SEMA3D: variants seen among roughly 807,000 people sequenced by gnomAD.
SEMA3D encodes semaphorin-3D.
In SEMA3D, 84 loss-of-function variants were observed where a neutral mutation model predicts 100.1. That is an observed-to-expected ratio of 0.84 (90% CI 0.70 to 1.01). The LOEUF (loss-of-function observed/expected upper bound fraction) is 1.01, where lower values mean the gene tolerates loss of function less well. Ranked by LOEUF, SEMA3D falls within the 50% of genes least tolerant of loss-of-function variation. The pLI, the probability that SEMA3D is intolerant of heterozygous loss-of-function variation, is 0.00. For missense variants in SEMA3D, 875 were observed against 934.1 expected (o/e 0.94, Z 0.82); for synonymous variants, 312 against 320.7 (o/e 0.97, Z 0.29).
chr7:85,077,863 A>T (rs1211424608), intron 5 of SEMA3D, among the ~76,000 whole-genome samples: 1 of 152,196 alleles, frequency 6.6e-6, no homozygotes, highest in Non-Finnish European at 1.5e-5. Flanking sequence ...ATAATCAAAG[A>T]TATTCACAAT....
chr7:85,130,544 A>G (rs769735085), intron 2 of SEMA3D, among the ~76,000 whole-genome samples: 2 of 152,152 alleles, frequency 1.3e-5, no homozygotes, highest in Admixed American at 6.6e-5. Context: ...TGTCTGGAAA[A>G]TCGTTATCCC....
chr7:85,023,103 T>C (rs538560994), intron 12 of SEMA3D, among the ~76,000 whole-genome samples: 1 of 152,020 alleles, frequency 6.6e-6, no homozygotes, highest in African/African-American at 2.4e-5. Context: ...AAATTGTAAT[T>C]ATGTAGTTTC....
At position 85,013,926 on chromosome 7, in the gene SEMA3D, C is replaced by G. The variant is rs10277919; in HGVS notation, c.1704-1080G>C. Reference sequence around the variant, plus strand: ...AATGAGCATTCTTGTTTTTCAGCTTCTAGGAAAGCATTCCCCAAAGACTAT... The same window carrying G: ...AATGAGCATTCTTGTTTTTCAGCTTGTAGGAAAGCATTCCCCAAAGACTAT... On this transcript the variant is annotated intron_variant, in intron 16 of 18. Transcript: ENST00000284136. Among the ~76,000 whole-genome samples, 1,093 of 151,856 alleles carry G rather than the reference C, an allele frequency of 7.2e-3. 15 individuals carry two copies. Among genetic ancestry groups the G allele is most frequent in the African/African-American group, 0.025 (1,029 of 41,496 alleles).
chr7:85,108,033 A>G (rs191317826), intron 3 of SEMA3D, among the ~76,000 whole-genome samples: 33 of 152,152 alleles, frequency 2.2e-4, no homozygotes, highest in Non-Finnish European at 3.8e-4. Context: ...GCTTCATTGA[A>G]TAAATTTTAA....
chr7:85,221,517 A>T, the SEMA3D span, among the ~76,000 whole-genome samples: 1 of 152,080 alleles, frequency 6.6e-6, no homozygotes, highest in East Asian at 1.9e-4. Context: ...ATGATTGTCA[A>T]GATGTTCTCA....
At chr7:85,201,333 C>T in the SEMA3D span, among the ~76,000 whole-genome samples, 1 of 152,114 alleles carries the variant, frequency 6.6e-6, no homozygotes, top group East Asian at 1.9e-4. Flanking sequence ...TACAATTCCC[C>T]AGTAGTCCAT....
intron 2 of SEMA3D, chr7:85,140,191 GT>G (rs1790005017): frequency 1.3e-5 from 7 of 532,590 alleles, no homozygotes; most frequent in East Asian, 1.5e-4. Context: ...TTTATTTAAT[GT>G]TTTTTAACAT....
intron 1 of SEMA3D, among the ~76,000 whole-genome samples, chr7:85,155,345 G>A (rs930246300): frequency 6.6e-6 from 1 of 152,084 alleles, no homozygotes; most frequent in Admixed American, 6.6e-5. Context: ...ATGTCTTACT[G>A]TGCACTACAT....
chr7:85,059,416 T>G (rs1166321452), intron 8 of SEMA3D, among the ~76,000 whole-genome samples: 2 of 152,192 alleles, frequency 1.3e-5, no homozygotes, highest in Non-Finnish European at 2.9e-5. Context: ...TTTCCTTATC[T>G]TCACAAATAT....
At chr7:85,158,549 G>A (rs1011453001) in intron 1 of SEMA3D, among the ~76,000 whole-genome samples, 2 of 152,130 alleles carry the variant, frequency 1.3e-5, no homozygotes, top group Non-Finnish European at 2.9e-5. Flanking sequence ...AACTTCATTA[G>A]CAATTTTAAT....
intron 1 of SEMA3D, among the ~76,000 whole-genome samples, chr7:85,180,896 G>A (rs963828621): frequency 3.9e-5 from 6 of 152,136 alleles, no homozygotes; most frequent in Non-Finnish European, 5.9e-5. Flanking sequence ...TCATTTGCGC[G>A]GAGAAGTGAT....
intron 12 of SEMA3D, among the ~76,000 whole-genome samples, chr7:85,023,534 GC>G (rs1303474383): frequency 6.6e-6 from 1 of 151,778 alleles, no homozygotes; most frequent in African/African-American, 2.4e-5. Flanking sequence ...GTCAATTGAT[GC>G]AGTCATAGAG....
intron 5 of SEMA3D, among the ~76,000 whole-genome samples, chr7:85,075,275 T>C (rs1485151371): frequency 6.6e-6 from 1 of 152,114 alleles, no homozygotes; most frequent in Admixed American, 6.6e-5. Context: ...AAATAAATAT[T>C]TGGATAAAGA....
chr7:85,112,710 G>A (rs1183599415), intron 3 of SEMA3D, among the ~76,000 whole-genome samples: 2 of 152,102 alleles, frequency 1.3e-5, no homozygotes, highest in Non-Finnish European at 2.9e-5. Flanking sequence ...AAACAATGTT[G>A]TGAGACTTAT....
At chr7:85,133,274 C>G (rs970409899) in intron 2 of SEMA3D, among the ~76,000 whole-genome samples, 2 of 151,890 alleles carry the variant, frequency 1.3e-5, no homozygotes, top group Non-Finnish European at 2.9e-5. Context: ...TAGTCTCATC[C>G]TTATATCCTC....
At chr7:85,178,710 G>A (rs1306716155) in intron 1 of SEMA3D, among the ~76,000 whole-genome samples, 4 of 152,230 alleles carry the variant, frequency 2.6e-5, no homozygotes, top group Non-Finnish European at 5.9e-5. Context: ...GCCTGTGGCA[G>A]AAATTTGCAT....
chr7:85,160,528 T>C (rs1339685063), intron 1 of SEMA3D, among the ~76,000 whole-genome samples: 1 of 152,098 alleles, frequency 6.6e-6, no homozygotes, highest in Non-Finnish European at 1.5e-5. Context: ...GCGATGCGGT[T>C]TGCCTGACTC....
chr7:85,214,356 G>A, the SEMA3D span, among the ~76,000 whole-genome samples: 2 of 152,196 alleles, frequency 1.3e-5, no homozygotes, highest in South Asian at 4.1e-4. Context: ...ATTACTAATT[G>A]TACCTAGAGT....
intron 5 of SEMA3D, among the ~76,000 whole-genome samples, chr7:85,074,319 C>G (rs75248438): frequency 6.6e-6 from 1 of 151,908 alleles, no homozygotes; most frequent in Non-Finnish European, 1.5e-5. Flanking sequence ...TGTTGGGGTT[C>G]CTAGGAGGAA....
Sources: gnomAD v4.1 joint callset for allele counts (sites outside exome capture counted in the v4.1 genomes callset) on GRCh38, gnomAD v4.1.1 for gene constraint, MANE v1.5 for transcripts, NCBI Gene and HGNC (gene_info 2026-07-23, HGNC 2026-07-21) for gene names.